Variants in CYP27A1 observed in about 807,000 individuals in gnomAD.
CYP27A1 encodes the protein cytochrome P450 family 27 subfamily A member 1.
Under a neutral mutation model 58.2 loss-of-function variants are expected in CYP27A1, and 46 were observed. The ratio of observed to expected loss-of-function variants is 0.79; its 90% CI spans 0.62 to 1.01. The LOEUF (loss-of-function observed/expected upper bound fraction) is 1.01. Ranked by LOEUF, CYP27A1 falls within the 50% of genes least tolerant of loss-of-function variation. The pLI is 0.00. For synonymous variants in CYP27A1, 274 were observed against 285.1 expected (o/e 0.96, Z 0.39); for missense variants, 704 against 687.0 (o/e 1.02, Z -0.28).
chr2:218,799,922 G>C (rs553789073), intron 1 of CYP27A1, among the ~76,000 whole-genome samples: 1 of 151,996 alleles, frequency 6.6e-6, no homozygotes, highest in South Asian at 2.1e-4. Context: ...ACCTTGATCA[G>C]TGCATAAAGC....
chr2:218,813,141 C>G, intron 5 of CYP27A1, 45 bp downstream of exon 5: 1 of 1,555,670 alleles, frequency 6.4e-7, no homozygotes, highest in East Asian at 2.3e-5. Context: ...CAGCTCCCAA[C>G]CTGAACCAGT....
intron 1 of CYP27A1, among the ~76,000 whole-genome samples, chr2:218,807,754 G>A (rs1385595730): frequency 6.6e-6 from 1 of 151,480 alleles, no homozygotes. Context: ...AATCACAGGC[G>A]CACACTGCCA....
At chr2:218,809,471 C>G in intron 1 of CYP27A1, 106 bp from the exon 2 acceptor site, 3 of 335,074 alleles carry the variant, frequency 9.0e-6, no homozygotes, top group Non-Finnish European at 1.1e-5. Flanking sequence ...TTTTGCCCAG[C>G]TCATTTGCTC....
chr2:218,797,901 A>G (rs773905687), intron 1 of CYP27A1, among the ~76,000 whole-genome samples: 2 of 152,228 alleles, frequency 1.3e-5, no homozygotes, highest in African/African-American at 2.4e-5. Flanking sequence ...TTGCAAGATT[A>G]ATTTTTATAA....
chr2:218,798,885 A>AAAACAAAC (rs71040405), intron 1 of CYP27A1, among the ~76,000 whole-genome samples: 17 of 150,790 alleles, frequency 1.1e-4, no homozygotes, highest in African/African-American at 3.9e-4. Flanking sequence ...TTGATCTCAA[A>AAAACAAAC]AAACAAACAA....
chr2:218,808,567 A>G (rs1017727227), intron 1 of CYP27A1, among the ~76,000 whole-genome samples: 1 of 152,258 alleles, frequency 6.6e-6, no homozygotes, highest in African/African-American at 2.4e-5. Context: ...CATCTCCACA[A>G]TTGGTAATGT....
intron 5 of CYP27A1, 48 bp downstream of exon 5, chr2:218,813,144 G>T (rs1362741007): frequency 6.5e-7 from 1 of 1,546,644 alleles, no homozygotes. Context: ...CTCCCAACCT[G>T]AACCAGTTCC....
In CYP27A1 at chr2:218,794,773, G is replaced by GA. The variant is rs1559387439; in HGVS notation, c.255+12342dup. 2.0e-5 allele frequency among the ~76,000 whole-genome samples: 3 copies of GA among 152,032 alleles called. No homozygotes were observed. The South Asian group carries it at 6.2e-4, about 32-fold the overall frequency. On this transcript the variant is annotated intron_variant, in intron 1 of 8. Transcript: ENST00000258415. ...GAAGAGAGGACAGAGGAGGAGAAAA[G>GA]AAAAAAGAAGGCTCCTTTTCAAAGG...
chr2:218,815,195 A>G lies in CYP27A1; in HGVS notation c.*165A>G. ...ACCCTGAGCTTTTGCCACTTCTATC[A>G]TTTTTGAGCAACTCCCTCTCAGCTA... On this transcript the variant is annotated 3_prime_UTR_variant, in exon 9 of 9. Coordinates refer to ENST00000258415, the MANE Select transcript of CYP27A1 (RefSeq NM_000784.4). The G allele has an allele frequency of 1.4e-6, 1 of 737,660 alleles. No homozygotes were observed. The highest frequency in any genetic ancestry group is 2.3e-6 in the Non-Finnish European group (1 of 438,816). 45.7% of individuals were successfully genotyped at this position (737,660 alleles called of 1,614,324 possible).
Position 218,812,290 on chromosome 2 carries a change from C to T in CYP27A1, c.515C>T (p.Ala172Val), listed in dbSNP as rs200753815. 218 of 1,614,066 alleles carry T rather than the reference C, an allele frequency of 1.4e-4. 1 individual carries two copies. Among genetic ancestry groups the T allele is most frequent in the Non-Finnish European group, 1.7e-4 (202 of 1,180,016 alleles). ...CGGTTGCTGAAGCCAGCGGAAGCAGCGCTCTATACGGATGCTTTCAATGAG... is the reference window on the plus strand; with the variant it reads ...CGGTTGCTGAAGCCAGCGGAAGCAGTGCTCTATACGGATGCTTTCAATGAG... ...NQRLLKPAEA[A>V]LYTDAFNEVI... The change falls in exon 3 of 9, where the codon GCG becomes GTG. Residue 172 changes from alanine (A) to valine (V), a missense_variant. Transcript: ENST00000258415.
chr2:218,797,887 A>C (rs770537631), intron 1 of CYP27A1, among the ~76,000 whole-genome samples: 3 of 152,246 alleles, frequency 2.0e-5, no homozygotes, highest in Admixed American at 6.5e-5. Flanking sequence ...TCACACACAG[A>C]ATTTTGCAAG....
rs776087607 is a variant in CYP27A1 at position 218,814,775 on chromosome 2, A to G, written c.1476+18A>G. 1.2e-6 allele frequency: 2 copies of G among 1,613,700 alleles called. No individual in the cohort carries two copies. Among genetic ancestry groups the G allele is most frequent in the African/African-American group, 1.3e-5 (1 of 74,932 alleles). ...TCGCAAGGGTGAGCTGGGAGAGGCTAGTAGGGTGTGTGGGCAGGGAGGGGT... is the reference window on the plus strand; with the variant it reads ...TCGCAAGGGTGAGCTGGGAGAGGCTGGTAGGGTGTGTGGGCAGGGAGGGGT... On this transcript the variant is annotated intron_variant, in intron 8 of 8. Coordinates refer to ENST00000258415, the MANE Select transcript of CYP27A1 (RefSeq NM_000784.4).
At chr2:218,802,746 A>G (rs1488816819) in intron 1 of CYP27A1, among the ~76,000 whole-genome samples, 2 of 152,098 alleles carry the variant, frequency 1.3e-5, no homozygotes, top group East Asian at 1.9e-4. Flanking sequence ...TTTTTAAGCC[A>G]TTCTAGTGGT....
chr2:218,785,771 G>A (rs1943435194), intron 1 of CYP27A1, among the ~76,000 whole-genome samples: 1 of 152,156 alleles, frequency 6.6e-6, no homozygotes, highest in Non-Finnish European at 1.5e-5. Context: ...TGTGGCTAGT[G>A]TGAGTTAATA....
chr2:218,793,717 CT>C (rs1221205899), intron 1 of CYP27A1, among the ~76,000 whole-genome samples: 291 of 140,686 alleles, frequency 2.1e-3, no homozygotes, highest in Middle Eastern at 0.011. Context: ...GTTTCTCTTT[CT>C]TTTTTTTTTT....
In CYP27A1 at chr2:218,814,416, A is replaced by T. The variant is rs767002858; in HGVS notation, c.1221A>T (p.Ile407=). Reference sequence around the variant, plus strand: ...TGGTCCCCACAAACTCCCGGATCATAGAAAAGGAAATTGAAGTTGATGGCT... The same window carrying T: ...TGGTCCCCACAAACTCCCGGATCATTGAAAAGGAAATTGAAGTTGATGGCT... The part of the protein sequence containing the change: ...YPVVPTNSRI[I]EKEIEVDGFL... Residue 407 remains isoleucine, a synonymous_variant, in exon 7 of 9, where the codon ATA becomes ATT. Transcript: ENST00000258415. The T allele has an allele frequency of 2.5e-6, 4 of 1,614,244 alleles. No homozygotes were observed. Among genetic ancestry groups the T allele is most frequent in the South Asian group, 2.2e-5 (2 of 91,090 alleles).
chr2:218,804,541 A>G (rs1246392479), intron 1 of CYP27A1, among the ~76,000 whole-genome samples: 1 of 152,154 alleles, frequency 6.6e-6, no homozygotes, highest in East Asian at 1.9e-4. Flanking sequence ...TTGCAGTTCC[A>G]TATTAATTTT....
chr2:218,809,788 A>C, intron 2 of CYP27A1, 21 bp downstream of exon 2: 1 of 1,608,374 alleles, frequency 6.2e-7, no homozygotes, highest in Non-Finnish European at 8.5e-7. Flanking sequence ...GCCTGAAGGG[A>C]CTGGAACAGG....
In CYP27A1 at chr2:218,812,579, G is replaced by T. The variant is rs753275244; in HGVS notation, c.674G>T (p.Arg225Leu). The T allele has an allele frequency of 2.5e-6, 4 of 1,614,040 alleles. No homozygotes were observed. The African/African-American group carries it at 4.0e-5, about 16-fold the overall frequency. Residue 225 changes from arginine to leucine, a missense_variant, in exon 4 of 9, where the codon CGC becomes CTC. Coordinates refer to ENST00000258415, the MANE Select transcript of CYP27A1 (RefSeq NM_000784.4). Reference protein sequence around the residue: ...EAICYILFEKRIGCLQRSIPE... With the variant: ...EAICYILFEKLIGCLQRSIPE... ...ATTTGCTACATCCTGTTCGAGAAACGCATTGGCTGCCTGCAGCGATCCATC... is the reference window on the plus strand; with the variant it reads ...ATTTGCTACATCCTGTTCGAGAAACTCATTGGCTGCCTGCAGCGATCCATC...
Sources: allele counts gnomAD v4.1 joint callset (sites outside exome capture counted in the v4.1 genomes callset), GRCh38; gene constraint gnomAD v4.1.1; transcripts MANE v1.5; gene names NCBI Gene and HGNC (gene_info 2026-07-23, HGNC 2026-07-21).